SLC25A17: variants seen among roughly 807,000 people sequenced by gnomAD.
The protein encoded by SLC25A17 is solute carrier family 25 member 17.
SLC25A17 carries 26 observed loss-of-function variants against 38.5 expected under a neutral mutation model. That is an observed-to-expected ratio of 0.68 (90% CI 0.50 to 0.94). The LOEUF is 0.94. Ranked by LOEUF, SLC25A17 falls within the 40% of genes least tolerant of loss-of-function variation. The pLI is 0.00. For missense variants in SLC25A17, 333 were observed against 372.7 expected, an observed-to-expected ratio of 0.89 and a Z score of 0.88; for synonymous variants, 139 against 136.2, an observed-to-expected ratio of 1.02 and a Z score of -0.14.
chr22:40,770,798 C>T lies in SLC25A17; in HGVS notation c.*36G>A. The stretch of plus-strand genomic sequence containing the variant: ...TCTTCACTCAGGAGGAAACCTCCCT[C>T]TTGAGCATCTTCGGAATTTTTCATG... On this transcript the variant is annotated 3_prime_UTR_variant, in exon 9 of 9. Coordinates refer to ENST00000435456, the MANE Select transcript of SLC25A17 (RefSeq NM_006358.4). The T allele has an allele frequency of 6.3e-7, 1 of 1,577,382 alleles. No homozygotes were observed. Among genetic ancestry groups the T allele is most frequent in the Non-Finnish European group, 8.7e-7 (1 of 1,155,592 alleles).
rs1569399779 is a variant in SLC25A17 at position 40,777,329 on chromosome 22, ATAAAGCCGAGATTCC to A, written c.481_495del (p.Gly161_Leu165del). On this transcript the variant is annotated inframe_deletion, in exon 6 of 9. Transcript: ENST00000435456. ...AGCAATGAGGGAAATGTGCCATTCCATAAAGCCGAGATTCCTTCATCGCGAATGATCTGATGAAAA... is the reference window on the plus strand; with the variant it reads ...AGCAATGAGGGAAATGTGCCATTCCATTCATCGCGAATGATCTGATGAAAA... 1 of 1,614,238 alleles carries A rather than the reference ATAAAGCCGAGATTCC, an allele frequency of 6.2e-7. No homozygotes were observed. Among genetic ancestry groups the A allele is most frequent in the Non-Finnish European group, 8.5e-7 (1 of 1,180,044 alleles).
At chr22:40,817,431 T>C (rs2057653260) in intron 1 of SLC25A17, 1 of 152,204 alleles carries the variant, frequency 6.6e-6, no homozygotes. Flanking sequence ...CACACTTCCC[T>C]AGTGAGCTCA....
intron 1 of SLC25A17, among the ~76,000 whole-genome samples, chr22:40,818,623 T>C (rs922724037): frequency 4.8e-5 from 7 of 144,616 alleles, no homozygotes; most frequent in Non-Finnish European, 7.4e-5. Flanking sequence ...GGCGGATCGC[T>C]GGAGCCCGGG....
At chr22:40,796,737 G>T (rs1191171663) in intron 2 of SLC25A17, among the ~76,000 whole-genome samples, 3 of 152,056 alleles carry the variant, frequency 2.0e-5, no homozygotes, top group Non-Finnish European at 2.9e-5. Context: ...AAACAACATG[G>T]CATAGGAACA....
chr22:40,785,157 G>A (rs578230836), intron 4 of SLC25A17, among the ~76,000 whole-genome samples: 1 of 152,198 alleles, frequency 6.6e-6, no homozygotes, highest in Non-Finnish European at 1.5e-5. Context: ...GCTGACGCAG[G>A]TGGATCACCT....
At chr22:40,780,405 C>T (rs546273391) in intron 4 of SLC25A17, 1 of 152,286 alleles carries the variant, frequency 6.6e-6, no homozygotes, top group African/African-American at 2.4e-5. Context: ...ACTTAAAAGG[C>T]TCATACATTG....
At chr22:40,805,565 G>A (rs977103115) in intron 1 of SLC25A17, among the ~76,000 whole-genome samples, 4 of 151,348 alleles carry the variant, frequency 2.6e-5, no homozygotes, top group Admixed American at 6.6e-5. Context: ...GAACATACTG[G>A]AAGAAGAAGA....
intron 5 of SLC25A17, among the ~76,000 whole-genome samples, chr22:40,778,648 A>G (rs931172297): frequency 6.6e-6 from 1 of 152,234 alleles, no homozygotes; most frequent in Non-Finnish European, 1.5e-5. Flanking sequence ...TATATGTGCC[A>G]TGTCGGTTTG....
chr22:40,795,613 A>C (rs1047528163), intron 2 of SLC25A17, among the ~76,000 whole-genome samples: 2 of 151,918 alleles, frequency 1.3e-5, no homozygotes, highest in African/African-American at 2.4e-5. Context: ...ATATTTCATA[A>C]ATTTCATAAA....
intron 1 of SLC25A17, among the ~76,000 whole-genome samples, chr22:40,816,619 T>C (rs1466689562): frequency 6.6e-6 from 1 of 151,372 alleles, no homozygotes; most frequent in Non-Finnish European, 1.5e-5. Context: ...GTTTTTTTTT[T>C]TTTTTCTTGA....
intron 1 of SLC25A17, among the ~76,000 whole-genome samples, chr22:40,810,087 A>G (rs577897103): frequency 6.6e-6 from 1 of 152,192 alleles, no homozygotes; most frequent in Non-Finnish European, 1.5e-5. Flanking sequence ...CTCCTGGTAA[A>G]ATTCTTGTAA....
rs60780380 is a variant in SLC25A17 at position 40,801,128 on chromosome 22, C to CATATATAT, written c.55-2053_55-2046dup. ...AAAGAAAAAAGAAAAAAATATATTA[C>CATATATAT]ATATATATATATATATATATATATA... On this transcript the variant is annotated intron_variant, in intron 1 of 8. Transcript: ENST00000435456. Among the ~76,000 whole-genome samples the CATATATAT allele has an allele frequency of 3.7e-3, 375 of 101,094 alleles. 4 individuals carry two copies. The highest frequency in any genetic ancestry group is 0.013 in the East Asian group (27 of 2,154). The allele number at this position is 101,094 out of a possible 152,430, so 66.3% of individuals were successfully genotyped here. A position where few individuals can be genotyped will look rare whatever the true frequency, so the allele number is the denominator to read the frequency against.
intron 1 of SLC25A17, among the ~76,000 whole-genome samples, chr22:40,814,956 A>C (rs184521795): frequency 0.015 from 2,225 of 151,848 alleles, 20 homozygotes; most frequent in Non-Finnish European, 0.022. Context: ...AGTAGCTGGG[A>C]CTACAGGCGC....
At chr22:40,795,748 G>A (rs1178631089) in intron 2 of SLC25A17, among the ~76,000 whole-genome samples, 1 of 152,116 alleles carries the variant, frequency 6.6e-6, no homozygotes, top group Non-Finnish European at 1.5e-5. Flanking sequence ...TGGAAGGACA[G>A]ATGTGGTCGG....
At position 40,814,516 on chromosome 22, in the gene SLC25A17, T is replaced by G. The variant is rs536774585; in HGVS notation, c.54+4679A>C. On this transcript the variant is annotated intron_variant, in intron 1 of 8. Transcript: ENST00000435456. ...TTTACAATATTGACTGACTACCTAG[T>G]GAATGAGAAGTACTAATAAAAATTG... Among the ~76,000 whole-genome samples the G allele has an allele frequency of 6.3e-5, 9 of 142,050 alleles. No individual in the cohort carries two copies. In the East Asian group the frequency reaches 1.7e-3, roughly 28 times the overall value. The allele number at this position is 142,050 out of a possible 152,430, so 93.2% of individuals were successfully genotyped here.
intron 2 of SLC25A17, among the ~76,000 whole-genome samples, chr22:40,795,359 C>T (rs1293204526): frequency 6.6e-6 from 1 of 151,504 alleles, no homozygotes; most frequent in African/African-American, 2.4e-5. Flanking sequence ...GCGGCGTGAT[C>T]TCGGCTCACT....
chr22:40,819,321 A>C lies in SLC25A17; in HGVS notation c.-73T>G. ...CAGCCAGTGGAGTTAGGAAAGGAGC[A>C]CCGGAGCTCAGGGTGTGAGAGTCGC... On this transcript the variant is annotated 5_prime_UTR_variant, in exon 1 of 9. Coordinates refer to ENST00000435456, the MANE Select transcript of SLC25A17 (RefSeq NM_006358.4). The C allele has an allele frequency of 6.9e-7, 1 of 1,444,222 alleles. No homozygotes were observed. The highest frequency in any genetic ancestry group is 1.1e-5 in the South Asian group (1 of 87,574). 89.5% of individuals were successfully genotyped at this position (1,444,222 alleles called of 1,614,324 possible). A position where few individuals can be genotyped will look rare whatever the true frequency, so the allele number is the denominator to read the frequency against.
At chr22:40,818,488 C>G (rs1021487285) in intron 1 of SLC25A17, among the ~76,000 whole-genome samples, 1 of 152,032 alleles carries the variant, frequency 6.6e-6, no homozygotes, top group African/African-American at 2.4e-5. Flanking sequence ...TCGAGAGGAT[C>G]GTTTGAGGCC....
chr22:40,802,463 G>A (rs1192164911), intron 1 of SLC25A17, among the ~76,000 whole-genome samples: 6 of 151,974 alleles, frequency 3.9e-5, no homozygotes, highest in Non-Finnish European at 8.8e-5. Context: ...TGGCCAACAT[G>A]GTGAAACTCC....
Sources: allele counts gnomAD v4.1 joint callset (sites outside exome capture counted in the v4.1 genomes callset), GRCh38; gene constraint gnomAD v4.1.1; transcripts MANE v1.5; gene names NCBI Gene and HGNC (gene_info 2026-07-23, HGNC 2026-07-21).